The following MUC6 variants were observed in gnomAD, a reference collection of about 807,000 sequenced individuals.
The protein encoded by MUC6 is mucin-6.
MUC6 carries 188 observed loss-of-function variants against 201.5 expected under a neutral mutation model. The observed-to-expected ratio is 0.93, with a 90% confidence interval of 0.83 to 1.05. The LOEUF (loss-of-function observed/expected upper bound fraction) is 1.05, where lower values mean the gene tolerates loss of function less well. Among genes scored for constraint, MUC6 ranks in the 50% least tolerant of loss-of-function variants. MUC6 has a pLI of 0.00. For missense variants in MUC6, 2,706 were observed against 3,256.9 expected (o/e 0.83, Z 4.12); for synonymous variants, 1,228 against 1,389.4 (o/e 0.88, Z 2.58).
At chr11:1,014,692 C>T (rs973549590) in intron 31 of MUC6, among the ~76,000 whole-genome samples, 5 of 152,164 alleles carry the variant, frequency 3.3e-5, no homozygotes, top group Admixed American at 2.0e-4. Flanking sequence ...AGGCTGGACT[C>T]TGCTGCCCGT....
chr11:1,018,335 G>T lies in MUC6; in HGVS notation c.4466C>A (p.Thr1489Lys). 6.2e-7 allele frequency: 1 copy of T among 1,613,864 alleles called. No individual in the cohort carries two copies. Among genetic ancestry groups the T allele is most frequent in the Non-Finnish European group, 8.5e-7 (1 of 1,179,792 alleles). ...APTGTIPPPT[T>K]LKATGSTHTA... ...GTGGGTGGACCCTGTGGCCTTGAGC[G>T]TTGTTGGTGGAGGAATGGTACCTGT... is the stretch of plus-strand genomic sequence containing the variant. Residue 1489 changes from threonine (T) to lysine (K), a missense_variant, in exon 31 of 33, where the codon ACG becomes AAG. Physicochemically the swap from Thr to Lys is moderately conservative, Grantham distance 78. Coordinates refer to ENST00000421673, the MANE Select transcript of MUC6 (RefSeq NM_005961.3).
chr11:1,027,583 C>T (rs1856995362), intron 16 of MUC6, 66 bp from the exon 17 acceptor site: 5 of 1,599,044 alleles, frequency 3.1e-6, no homozygotes, highest in Admixed American at 1.7e-5. Context: ...TCGGGTTCCC[C>T]TGCCTGCCGG....
chr11:1,020,211 G>T lies in MUC6; in HGVS notation c.3687C>A (p.Thr1229=), dbSNP rs1461088051. 6.2e-7 allele frequency: 1 copy of T among 1,610,806 alleles called. No individual in the cohort carries two copies. The highest frequency in any genetic ancestry group is 2.2e-5 in the East Asian group (1 of 44,862). The stretch of plus-strand genomic sequence containing the variant: ...GTCCGGTGGAGCTGAGAAGCCCGAT[G>T]GTGGTGGAGGTTCCCGTCATGGGCC... The part of the protein sequence containing the change: ...QVWPMTGTST[T]IGLLSSTGPS... The change falls in exon 29 of 33, where the codon ACC becomes ACA. Residue 1229 remains threonine (T), a synonymous_variant. Transcript: ENST00000421673.
chr11:1,036,680 G>T lies in MUC6; in HGVS notation c.-25C>A. 2 of 1,543,432 alleles carry T rather than the reference G, an allele frequency of 1.3e-6. No individual in the cohort carries two copies. Among genetic ancestry groups the T allele is most frequent in the African/African-American group, 1.4e-5 (1 of 73,008 alleles). ...TGGTGCACAGTGGAGAGGAGCTCGC[G>T]CTGGGCCCGGCAGGCCTGCTGCTGC... is the stretch of plus-strand genomic sequence containing the variant. On this transcript the variant is annotated 5_prime_UTR_variant, in exon 1 of 33. Transcript: ENST00000421673.
Position 1,033,289 on chromosome 11 carries a change from G to A in MUC6, c.53-214C>T. ...AGCCCCAGCTTCCTTCCCTGCTCTC[G>A]TTCACTCCCTCGTTTGTCCACTCAG... is the stretch of plus-strand genomic sequence containing the variant. On this transcript the variant is annotated intron_variant, in intron 1 of 32. Transcript: ENST00000421673. The surrounding 1 kb of genome is among the most constrained non-coding windows in gnomAD (Gnocchi z 5.6). 1 of 590,772 alleles carries A rather than the reference G, an allele frequency of 1.7e-6. No homozygotes were observed. Among genetic ancestry groups the A allele is most frequent in the Non-Finnish European group, 3.1e-6 (1 of 327,072 alleles). The allele number at this position is 590,772 out of a possible 1,614,324, so 36.6% of individuals were successfully genotyped here.
chr11:1,033,204 C>T lies in MUC6; in HGVS notation c.53-129G>A, dbSNP rs560410427. ...CGGCGTGCGAGAAGTGTCCATGGCC[C>T]GTGGGGCTCGAGGCCTCAACAGCAA... On this transcript the variant is annotated intron_variant, in intron 1 of 32. Coordinates refer to ENST00000421673, the MANE Select transcript of MUC6 (RefSeq NM_005961.3). The surrounding 1 kb of genome is among the most constrained non-coding windows in gnomAD (Gnocchi z 5.6). 1.7e-5 allele frequency: 15 copies of T among 902,860 alleles called. No homozygotes were observed. The highest frequency in any genetic ancestry group is 4.9e-5 in the African/African-American group (3 of 61,122). 55.9% of individuals were successfully genotyped at this position (902,860 alleles called of 1,614,324 possible).
chr11:1,015,786 C>T lies in MUC6; in HGVS notation c.7015G>A (p.Gly2339Arg), dbSNP rs140009712. Reference sequence around the variant, plus strand: ...CCGGGTGAGGTGGGCGTAGGTGTCCCGAGAGAAGATACCGGGGCAGAAGCA... The same window carrying T: ...CCGGGTGAGGTGGGCGTAGGTGTCCTGAGAGAAGATACCGGGGCAGAAGCA... ...TPASAPVSSL[G>R]TPTPTSPGVC... is the part of the protein sequence containing the mutation. Residue 2339 changes from glycine (G) to arginine (R), a missense_variant, in exon 31 of 33, where the codon GGG becomes AGG. This residue lies in a region of MUC6 where 586 missense variants were observed against 488.0 expected (regional missense o/e 1.20). Transcript: ENST00000421673. 2.0e-4 allele frequency: 305 copies of T among 1,547,950 alleles called. No homozygotes were observed. Among genetic ancestry groups the T allele is most frequent in the African/African-American group, 1.8e-3 (134 of 73,308 alleles).
At position 1,028,019 on chromosome 11, in the gene MUC6, T is replaced by G; in HGVS notation, c.1794A>C (p.Thr598=). 1 of 1,586,368 alleles carries G rather than the reference T, an allele frequency of 6.3e-7. No individual in the cohort carries two copies. The highest frequency in any genetic ancestry group is 1.3e-5 in the African/African-American group (1 of 74,338). Residue 598 remains threonine (T), a synonymous_variant, in exon 15 of 33, where the codon ACA becomes ACC. Transcript: ENST00000421673. ...CGTGGCACCTCTCGAACACCGTGCC[T>G]GTCCTCAGCAGCATGGAGCAGTGGG... is the stretch of plus-strand genomic sequence containing the variant. ...AETHCSMLLR[T]GTVFERCHAT...
At position 1,031,178 on chromosome 11, in the gene MUC6, T is replaced by G. The variant is rs1450797528; in HGVS notation, c.565A>C (p.Ser189Arg). 1.8e-6 allele frequency: 2 copies of G among 1,093,218 alleles called. No individual in the cohort carries two copies. Among genetic ancestry groups the G allele is most frequent in the African/African-American group, 2.1e-5 (1 of 47,340 alleles). The allele number at this position is 1,093,218 out of a possible 1,614,324, so 67.7% of individuals were successfully genotyped here. The change falls in exon 5 of 33, where the codon AGT (serine) becomes CGT (arginine). Residue 189 changes from serine to arginine, a missense_variant. Ser to Arg is a moderately radical substitution (Grantham distance 110). Coordinates refer to ENST00000421673, the MANE Select transcript of MUC6 (RefSeq NM_005961.3). ...FDGKVTNEFV[S>R]EEGKFLEPHK... ...CCCTGCCCCCACCTACCCTCCTCACTGACAAACTCGTTGGTCACCTTCCCG... is the reference window on the plus strand; with the variant it reads ...CCCTGCCCCCACCTACCCTCCTCACGGACAAACTCGTTGGTCACCTTCCCG...
chr11:1,035,185 C>T, intron 1 of MUC6, among the ~76,000 whole-genome samples: 1 of 152,238 alleles, frequency 6.6e-6, no homozygotes, highest in East Asian at 1.9e-4. Flanking sequence ...CCCATGTTGG[C>T]AGAGATGGCG....
At chr11:1,015,687 G>T (rs1445988674) in intron 31 of MUC6, 75 bp downstream of exon 31, 46 of 1,496,000 alleles carry the variant, frequency 3.1e-5, no homozygotes, top group Non-Finnish European at 4.0e-5. Context: ...TGAGGGGTAA[G>T]CTGAGGCAGG....
Position 1,021,202 on chromosome 11 carries a change from C to T in MUC6, c.3589+13G>A, listed in dbSNP as rs759312691. 12 of 1,568,672 alleles carry T rather than the reference C, an allele frequency of 7.6e-6. No homozygotes were observed. Among genetic ancestry groups the T allele is most frequent in the Admixed American group, 5.9e-5 (3 of 50,486 alleles). Reference sequence around the variant, plus strand: ...GCAGGGGCAGGGTTCTCAGGGCAGCCGACTGGACTTACTGCAGGGCACGCA... The same window carrying T: ...GCAGGGGCAGGGTTCTCAGGGCAGCTGACTGGACTTACTGCAGGGCACGCA... On this transcript the variant is annotated intron_variant, in intron 27 of 32. Transcript: ENST00000421673.
chr11:1,017,476 A>G lies in MUC6; in HGVS notation c.5325T>C (p.Ser1775=), dbSNP rs1205357769. 6.8e-7 allele frequency: 1 copy of G among 1,476,962 alleles called. No homozygotes were observed. Among genetic ancestry groups the G allele is most frequent in the Non-Finnish European group, 9.1e-7 (1 of 1,093,728 alleles). 91.5% of individuals were successfully genotyped at this position (1,476,962 alleles called of 1,614,324 possible). ...STTSITPNHT[S]TGTRTPVAHT... ...GGGCCACAGGGGTTCTGGTGCCTGT[A>G]CTGGTGTGGTTGGGGGTGATGCTGG... is the stretch of plus-strand genomic sequence containing the variant. Residue 1775 remains serine, a synonymous_variant, in exon 31 of 33, where the codon AGT becomes AGC. Coordinates refer to ENST00000421673, the MANE Select transcript of MUC6 (RefSeq NM_005961.3).
rs535367893 is a variant in MUC6, at chr11:1,030,398, C to T, written c.893-63G>A. The T allele has an allele frequency of 1.6e-5, 24 of 1,502,800 alleles. No individual in the cohort carries two copies. In the African/African-American group the frequency reaches 2.6e-4, roughly 16 times the overall value. 93.1% of individuals were successfully genotyped at this position (1,502,800 alleles called of 1,614,324 possible). A position where few individuals can be genotyped will look rare whatever the true frequency, so the allele number is the denominator to read the frequency against. ...CCCCCCACCCCTCCCTGCCCCACCC[C>T]AGCTTGATGGAGGACTTAGCCCAGC... is the stretch of plus-strand genomic sequence containing the variant. On this transcript the variant is annotated intron_variant, in intron 7 of 32. Transcript: ENST00000421673.
chr11:1,031,270 C>T lies in MUC6; in HGVS notation c.484-11G>A, dbSNP rs536247908. Reference sequence around the variant, plus strand: ...CCGCTCCACCAGAACCTGCGGGAGACGGCTCTGCTGGGGGCCCGGGGGCCA... The same window carrying T: ...CCGCTCCACCAGAACCTGCGGGAGATGGCTCTGCTGGGGGCCCGGGGGCCA... On this transcript the variant is annotated splice_polypyrimidine_tract_variant and intron_variant, in intron 4 of 32. Transcript: ENST00000421673. 2.1e-5 allele frequency: 32 copies of T among 1,557,590 alleles called. No homozygotes were observed. Among genetic ancestry groups the T allele is most frequent in the East Asian group, 1.5e-4 (6 of 41,258 alleles).
chr11:1,028,056 A>C lies in MUC6; in HGVS notation c.1757T>G (p.Val586Gly), dbSNP rs765679710. Residue 586 changes from valine to glycine, a missense_variant, in exon 15 of 33, where the codon GTG (valine) becomes GGG (glycine). Transcript: ENST00000421673. ...DPCSMSQLNK[V>G]CAETHCSMLL... ...CATGGAGCAGTGGGTCTCTGCACAC[A>C]CCTCTGGGGATGACAGGCCCGGGCG... 4.5e-6 allele frequency: 7 copies of C among 1,571,354 alleles called. No homozygotes were observed. The highest frequency in any genetic ancestry group is 6.0e-6 in the Non-Finnish European group (7 of 1,158,846).
chr11:1,016,283 G>A lies in MUC6; in HGVS notation c.6518C>T (p.Thr2173Ile). Reference protein sequence around the residue: ...SSFVSAPVHSTTLSSGSHSSL... With the variant: ...SSFVSAPVHSITLSSGSHSSL... ...GGAGTGTGACCCCGAGCTCAGGGTT[G>A]TGGAGTGCACGGGGGCGGACACGAA... The change falls in exon 31 of 33, where the codon ACA (threonine) becomes ATA (isoleucine). Residue 2173 changes from threonine to isoleucine, a missense_variant. Physicochemically the swap from Thr to Ile is moderately conservative, Grantham distance 89. Around this residue, in one of 10 missense-constraint regions of MUC6, gnomAD observed 586 missense variants for 488.0 expected, o/e 1.20. Coordinates refer to ENST00000421673, the MANE Select transcript of MUC6 (RefSeq NM_005961.3). 1.9e-6 allele frequency: 3 copies of A among 1,612,896 alleles called. No homozygotes were observed. Among genetic ancestry groups the A allele is most frequent in the African/African-American group, 1.3e-5 (1 of 74,990 alleles).
In MUC6 at chr11:1,016,469, A is replaced by T; in HGVS notation, c.6332T>A (p.Leu2111His). Reference sequence around the variant, plus strand: ...AGTGGTTGCAGAACTCAAGTGGGGGAGTTGTGTGGTGATAGGTGATGACGG... The same window carrying T: ...AGTGGTTGCAGAACTCAAGTGGGGGTGTTGTGTGGTGATAGGTGATGACGG... ...RPPSSPITTQ[L>H]PHLSSATTPV... The change falls in exon 31 of 33, where the codon CTC (leucine) becomes CAC (histidine). Residue 2111 changes from leucine (L) to histidine (H), a missense_variant. Around this residue, in one of 10 missense-constraint regions of MUC6, gnomAD observed 586 missense variants for 488.0 expected, o/e 1.20. Transcript: ENST00000421673. 6.2e-7 allele frequency: 1 copy of T among 1,613,298 alleles called. No homozygotes were observed. Among genetic ancestry groups the T allele is most frequent in the Non-Finnish European group, 8.5e-7 (1 of 1,179,762 alleles).
intron 30 of MUC6, 52 bp downstream of exon 30, chr11:1,019,223 G>A (rs536438782): frequency 1.7e-4 from 260 of 1,557,262 alleles, no homozygotes; most frequent in Non-Finnish European, 2.2e-4. Flanking sequence ...TGAGCTGGTG[G>A]TGGGACCGGG....
Sources: gnomAD v4.1 joint callset for allele counts (sites outside exome capture counted in the v4.1 genomes callset) on GRCh38, gnomAD v4.1.1 for gene constraint, gnomAD v4.1.1 regional missense constraint, Gnocchi (gnomAD v3.1) non-coding constraint, MANE v1.5 for transcripts, NCBI Gene and HGNC (gene_info 2026-07-23, HGNC 2026-07-21) for gene names.